SUMF1: variants seen among roughly 807,000 people sequenced by gnomAD.
The protein encoded by SUMF1 is sulfatase modifying factor 1.
Under a neutral mutation model 47.6 loss-of-function variants are expected in SUMF1, and 48 were observed. The observed-to-expected ratio is 1.01, with a 90% CI of 0.80 to 1.28. SUMF1 has a LOEUF of 1.28. Ranked by LOEUF, SUMF1 falls within the 50% of genes most tolerant of loss-of-function variation. SUMF1 has a pLI of 0.00. For missense variants in SUMF1, 571 were observed against 485.4 expected (o/e 1.18, Z -1.66); for synonymous variants, 230 against 192.1 (o/e 1.20, Z -1.63).
At position 4,420,122 on chromosome 3, in the gene SUMF1, G is replaced by T; in HGVS notation, c.544C>A (p.Pro182Thr). Residue 182 changes from proline to threonine, a missense_variant, in exon 4 of 9, where the codon CCT (proline) becomes ACT (threonine). By Grantham distance (38) the Pro-to-Thr change is conservative. Coordinates refer to ENST00000272902, the MANE Select transcript of SUMF1 (RefSeq NM_182760.4). Reference sequence around the variant, plus strand: ...TGTCTCCAGTTAGCGCCTTTCACAGGTAACCACCAGGGAGCAGCTGCAACC... The same window carrying T: ...TGTCTCCAGTTAGCGCCTTTCACAGTTAACCACCAGGGAGCAGCTGCAACC... ...QAVAAAPWWL[P>T]VKGANWRHPE... The T allele has an allele frequency of 6.2e-7, 1 of 1,614,048 alleles. No individual in the cohort carries two copies. The highest frequency in any genetic ancestry group is 8.5e-7 in the Non-Finnish European group (1 of 1,180,000).
chr3:4,081,040 G>A (rs543549436), intron 8 of SUMF1, among the ~76,000 whole-genome samples: 4 of 152,288 alleles, frequency 2.6e-5, no homozygotes, highest in Middle Eastern at 6.8e-3. Flanking sequence ...TACACATTAA[G>A]CGTTTAGCCC....
At chr3:4,460,362 G>A (rs1013294315) in intron 1 of SUMF1, among the ~76,000 whole-genome samples, 11 of 152,030 alleles carry the variant, frequency 7.2e-5, no homozygotes, top group African/African-American at 2.4e-4. Context: ...AAAATAAAGT[G>A]TCAATCTGAC....
chr3:4,268,725 A>C (rs1443518687), intron 8 of SUMF1, among the ~76,000 whole-genome samples: 1 of 152,080 alleles, frequency 6.6e-6, no homozygotes, highest in East Asian at 1.9e-4. Flanking sequence ...TAAATGGCAA[A>C]GACTGAACTT....
chr3:4,455,594 G>A (rs981132755), intron 1 of SUMF1, among the ~76,000 whole-genome samples: 8 of 152,160 alleles, frequency 5.3e-5, no homozygotes, highest in African/African-American at 1.7e-4. Context: ...GCACACGCCT[G>A]TAATCCCAGC....
At chr3:4,247,645 C>G (rs1303102712) in intron 8 of SUMF1, among the ~76,000 whole-genome samples, 4 of 152,102 alleles carry the variant, frequency 2.6e-5, no homozygotes, top group African/African-American at 9.7e-5. Flanking sequence ...TGAGTTAGAG[C>G]AAGCAGCTGA....
At chr3:4,187,061 C>A (rs1385486) in intron 8 of SUMF1, among the ~76,000 whole-genome samples, 2 of 151,700 alleles carry the variant, frequency 1.3e-5, no homozygotes, top group African/African-American at 4.8e-5. Context: ...CATGTATCTT[C>A]TGAGCTGCCA....
At chr3:4,284,933 C>T (rs2125049377) in intron 8 of SUMF1, among the ~76,000 whole-genome samples, 1 of 152,232 alleles carries the variant, frequency 6.6e-6, no homozygotes. Flanking sequence ...TTGATATGAA[C>T]TTACTTTATG....
chr3:4,211,121 T>TAC (rs1553609385), intron 8 of SUMF1, among the ~76,000 whole-genome samples: 3,330 of 128,306 alleles, frequency 0.026, 319 homozygotes, highest in African/African-American at 0.094. Context: ...TATATATATA[T>TAC]ACACACACAC....
At chr3:4,388,233 C>T (rs536725483) in intron 7 of SUMF1, among the ~76,000 whole-genome samples, 7 of 152,048 alleles carry the variant, frequency 4.6e-5, no homozygotes, top group Non-Finnish European at 1.0e-4. Context: ...TTTTGCTTCA[C>T]ATGTTTCAGC....
chr3:4,342,947 C>A (rs1023485044), intron 8 of SUMF1, among the ~76,000 whole-genome samples: 3 of 152,194 alleles, frequency 2.0e-5, no homozygotes, highest in African/African-American at 7.2e-5. Flanking sequence ...GATAATGTAA[C>A]TAAAGCTCCC....
intron 8 of SUMF1, chr3:4,303,399 G>T (rs766385284): frequency 6.4e-7 from 1 of 1,558,224 alleles, no homozygotes; most frequent in Non-Finnish European, 8.6e-7. Flanking sequence ...AAGACGACAC[G>T]GCCTTGTGGG....
At chr3:4,384,275 G>T (rs1020434070) in intron 7 of SUMF1, among the ~76,000 whole-genome samples, 1 of 152,058 alleles carries the variant, frequency 6.6e-6, no homozygotes, top group Non-Finnish European at 1.5e-5. Flanking sequence ...TTTATTATGG[G>T]TAACCGTTGA....
chr3:4,353,474 G>C (rs2582346), intron 8 of SUMF1, among the ~76,000 whole-genome samples: 14 of 152,158 alleles, frequency 9.2e-5, no homozygotes, highest in Non-Finnish European at 1.3e-4. Flanking sequence ...GGATGGTCTC[G>C]ATCTCCTGAC....
At chr3:4,201,218 A>C (rs1695533891) in intron 8 of SUMF1, among the ~76,000 whole-genome samples, 1 of 152,008 alleles carries the variant, frequency 6.6e-6, no homozygotes, top group Admixed American at 6.6e-5. Context: ...GTGCTATCAA[A>C]TACTAGATCT....
chr3:4,148,767 G>A (rs1694252243), intron 8 of SUMF1, among the ~76,000 whole-genome samples: 1 of 151,982 alleles, frequency 6.6e-6, no homozygotes, highest in Non-Finnish European at 1.5e-5. Context: ...ACTAATCCTG[G>A]CCTAAAAACA....
chr3:4,185,612 G>A (rs1695185710), intron 8 of SUMF1, among the ~76,000 whole-genome samples: 3 of 152,084 alleles, frequency 2.0e-5, no homozygotes, highest in Admixed American at 2.0e-4. Flanking sequence ...GCAGTTGAAA[G>A]TTAATATTTG....
chr3:4,316,172 T>C (rs188121661), intron 8 of SUMF1: 2 of 637,488 alleles, frequency 3.1e-6, no homozygotes, highest in African/African-American at 3.6e-5. Context: ...TTATGTTTTT[T>C]TGCTAATGAC....
At chr3:4,096,973 T>G (rs1177786465) in intron 8 of SUMF1, among the ~76,000 whole-genome samples, 1 of 152,048 alleles carries the variant, frequency 6.6e-6, no homozygotes, top group African/African-American at 2.4e-5. Context: ...AAAAGTAACA[T>G]AGCATGGATC....
intron 8 of SUMF1, among the ~76,000 whole-genome samples, chr3:4,136,162 T>G (rs1206821841): frequency 6.6e-6 from 1 of 152,086 alleles, no homozygotes; most frequent in Non-Finnish European, 1.5e-5. Flanking sequence ...GAGCCTGCAT[T>G]GCCAAGACAA....
Sources: gnomAD v4.1 joint callset for allele counts (sites outside exome capture counted in the v4.1 genomes callset) on GRCh38, gnomAD v4.1.1 for gene constraint, MANE v1.5 for transcripts, NCBI Gene and HGNC (gene_info 2026-07-23, HGNC 2026-07-21) for gene names.